ABCB1: variants seen among roughly 807,000 people sequenced by gnomAD.
ABCB1 encodes the protein ATP binding cassette subfamily B member 1.
In ABCB1, 69 loss-of-function variants were observed where a neutral mutation model predicts 142.0. That is an observed-to-expected ratio of 0.49 (90% confidence interval 0.40 to 0.59). ABCB1 has a LOEUF of 0.59. Ranked by LOEUF, ABCB1 falls within the 20% of genes least tolerant of loss-of-function variation. The pLI, the probability that ABCB1 is intolerant of heterozygous loss-of-function variation, is 0.00. For synonymous variants in ABCB1, 532 were observed against 539.2 expected, an observed-to-expected ratio of 0.99 and a Z score of 0.18; for missense variants, 1,326 against 1,554.7, an observed-to-expected ratio of 0.85 and a Z score of 2.47.
chr7:87,584,555 G>A (rs892519907), intron 4 of ABCB1, among the ~76,000 whole-genome samples: 6 of 151,958 alleles, frequency 3.9e-5, no homozygotes, highest in Middle Eastern at 3.4e-3. Context: ...AGAGAGAGAG[G>A]GAGAGAGAGG....
At chr7:87,711,265 G>T (rs117131492) in intron 1 of ABCB1, among the ~76,000 whole-genome samples, 2 of 151,892 alleles carry the variant, frequency 1.3e-5, no homozygotes, top group African/African-American at 4.9e-5. Flanking sequence ...GGCAGAGGTT[G>T]TGGAGAGCCG....
chr7:87,527,209 G>A (rs1387510829), intron 21 of ABCB1, among the ~76,000 whole-genome samples: 1 of 151,960 alleles, frequency 6.6e-6, no homozygotes, highest in Non-Finnish European at 1.5e-5. Context: ...ACCCAGCTCT[G>A]ATCCTTAATC....
Position 87,516,655 on chromosome 7 carries a change from C to G in ABCB1, c.2938G>C (p.Ala980Pro), listed in dbSNP as rs572038993. The stretch of plus-strand genomic sequence containing the variant: ...ACGGCCATGGCACCAAAGACAACAG[C>G]TGAAAATACTCTGGAAAGCACAAAC... Reference protein sequence around the residue: ...SFEDVLLVFSAVVFGAMAVGQ... With the variant: ...SFEDVLLVFSPVVFGAMAVGQ... The change falls in exon 24 of 28, where the codon GCT (alanine) becomes CCT (proline). Residue 980 changes from alanine to proline, a missense_variant. Ala to Pro is a conservative substitution (Grantham distance 27). Transcript: ENST00000622132. The G allele has an allele frequency of 6.2e-7, 1 of 1,612,760 alleles. No individual in the cohort carries two copies. The highest frequency in any genetic ancestry group is 1.3e-5 in the African/African-American group (1 of 74,488).
rs775410152 is a variant in ABCB1, at chr7:87,693,997, A to G, written c.-331+19164T>C. ...GTGATGTCTCCCGCCACTGAGCTGCACGGGAGCATGGAATTGACTTTCGGG... is the reference window on the plus strand; with the variant it reads ...GTGATGTCTCCCGCCACTGAGCTGCGCGGGAGCATGGAATTGACTTTCGGG... On this transcript the variant is annotated intron_variant, in intron 1 of 28. Coordinates refer to the ABCB1 transcript ENST00000265724. 2.4e-5 allele frequency: 39 copies of G among 1,607,318 alleles called. 1 individual carries two copies. In the South Asian group the frequency reaches 4.1e-4, roughly 17 times the overall value.
intron 9 of ABCB1, 60 bp from the exon 10 acceptor site, chr7:87,550,898 T>C: frequency 9.7e-7 from 1 of 1,031,290 alleles, no homozygotes; most frequent in Non-Finnish European, 1.5e-6. Flanking sequence ...TTTTTTTTCA[T>C]ACTTCTTCTG....
At chr7:87,555,898 C>T (rs190046551) in intron 8 of ABCB1, among the ~76,000 whole-genome samples, 63 of 152,240 alleles carry the variant, frequency 4.1e-4, no homozygotes, top group African/African-American at 5.1e-4. Context: ...CCAAGACTAA[C>T]GTAGAAACCA....
intron 1 of ABCB1, among the ~76,000 whole-genome samples, chr7:87,691,093 A>C (rs1827976279): frequency 6.6e-6 from 1 of 152,152 alleles, no homozygotes; most frequent in South Asian, 2.1e-4. Context: ...GCTGACATGA[A>C]AAATATAGAA....
At chr7:87,568,242 C>CAATAATAATAATAATAACAAT (rs1817866591) in intron 5 of ABCB1, among the ~76,000 whole-genome samples, 1 of 135,954 alleles carries the variant, frequency 7.4e-6, no homozygotes, top group South Asian at 2.6e-4. Context: ...AAAAATACGA[C>CAATAATAATAATAATAACAAT]AATAATAATA....
intron 1 of ABCB1, among the ~76,000 whole-genome samples, chr7:87,618,857 A>G (rs1186768533): frequency 6.6e-6 from 1 of 152,172 alleles, no homozygotes; most frequent in Non-Finnish European, 1.5e-5. Context: ...GCCATATGCA[A>G]TGGGCTTCAC....
In ABCB1 at chr7:87,582,672, G is replaced by A. The variant is rs556977147; in HGVS notation, c.286+2840C>T. 1.0e-3 allele frequency among the ~76,000 whole-genome samples: 153 copies of A among 152,320 alleles called. 1 individual carries two copies. Among genetic ancestry groups the A allele is most frequent in the African/African-American group, 3.7e-3 (152 of 41,566 alleles). The stretch of plus-strand genomic sequence containing the variant: ...TACAACTACTCTACTGTGTCATTGT[G>A]GCATAGAAGCAGCCATAGGCTGCTT... On this transcript the variant is annotated intron_variant, in intron 4 of 27. Coordinates refer to ENST00000622132, the MANE Select transcript of ABCB1 (RefSeq NM_001348946.2).
At chr7:87,506,193 G>A (rs1404120528) in intron 26 of ABCB1, 150 bp from the exon 27 acceptor site, 3 of 773,046 alleles carry the variant, frequency 3.9e-6, no homozygotes, top group African/African-American at 1.8e-5. Context: ...GGAAAGAACA[G>A]TAAAAAAGCC....
intron 21 of ABCB1, chr7:87,522,401 G>A: frequency 7.3e-6 from 5 of 685,192 alleles, no homozygotes; most frequent in Non-Finnish European, 8.2e-6. Context: ...CTACAGCAGT[G>A]GCAGAAGATT....
chr7:87,564,081 G>A lies in ABCB1; in HGVS notation c.702+1989C>T, dbSNP rs138599873. On this transcript the variant is annotated intron_variant, in intron 7 of 27. Transcript: ENST00000622132. Reference sequence around the variant, plus strand: ...TAATGGGTACTAGGCTTAATACTTGGGTAATGAAATAATCTGTATAACAAA... The same window carrying A: ...TAATGGGTACTAGGCTTAATACTTGAGTAATGAAATAATCTGTATAACAAA... The A allele has an allele frequency of 5.1e-4, 221 of 431,290 alleles. 1 individual carries two copies. Among genetic ancestry groups the A allele is most frequent in the Middle Eastern group, 2.4e-3 (4 of 1,668 alleles). 26.7% of individuals were successfully genotyped at this position (431,290 alleles called of 1,614,324 possible).
chr7:87,509,562 T>G, intron 25 of ABCB1, 81 bp from the exon 26 acceptor site: 4 of 1,426,296 alleles, frequency 2.8e-6, no homozygotes, highest in Non-Finnish European at 3.9e-6. Flanking sequence ...TTTCTTACAC[T>G]GAAACTGCCA....
At chr7:87,575,885 A>C (rs1331889831) in intron 4 of ABCB1, among the ~76,000 whole-genome samples, 1 of 152,202 alleles carries the variant, frequency 6.6e-6, no homozygotes, top group Non-Finnish European at 1.5e-5. Context: ...CTTCCAATTT[A>C]GGCAGAGTGT....
chr7:87,555,841 A>G (rs1817284435), intron 8 of ABCB1, among the ~76,000 whole-genome samples: 1 of 152,220 alleles, frequency 6.6e-6, no homozygotes, highest in Non-Finnish European at 1.5e-5. Context: ...GACATTTAAT[A>G]CATATGTACT....
chr7:87,561,134 T>A lies in ABCB1; in HGVS notation c.827+129A>T, dbSNP rs899532588. Reference sequence around the variant, plus strand: ...CTCCAAAATATTAGTTATGCTGTAATACATCCATTAAGCTATTTAAGAAAA... The same window carrying A: ...CTCCAAAATATTAGTTATGCTGTAAAACATCCATTAAGCTATTTAAGAAAA... On this transcript the variant is annotated intron_variant, in intron 8 of 27. Transcript: ENST00000622132. 1.3e-5 allele frequency: 14 copies of A among 1,060,628 alleles called. No individual in the cohort carries two copies. In the African/African-American group the frequency reaches 1.9e-4, roughly 15 times the overall value. 65.7% of individuals were successfully genotyped at this position (1,060,628 alleles called of 1,614,324 possible). A position where few individuals can be genotyped will look rare whatever the true frequency, so the allele number is the denominator to read the frequency against.
chr7:87,612,564 T>C (rs1296584889), intron 1 of ABCB1, among the ~76,000 whole-genome samples: 1 of 152,172 alleles, frequency 6.6e-6, no homozygotes, highest in Non-Finnish European at 1.5e-5. Context: ...AAAGATCAGT[T>C]GGCTGTAAGT....
At chr7:87,630,062 T>A (rs1456709821) in intron 1 of ABCB1, among the ~76,000 whole-genome samples, 1 of 152,188 alleles carries the variant, frequency 6.6e-6, no homozygotes, top group Non-Finnish European at 1.5e-5. Context: ...CTTAGGAACT[T>A]CTCTGAGCCA....
Sources: allele counts gnomAD v4.1 joint callset (sites outside exome capture counted in the v4.1 genomes callset), GRCh38; gene constraint gnomAD v4.1.1; transcripts MANE v1.5; gene names NCBI Gene and HGNC (gene_info 2026-07-23, HGNC 2026-07-21).